Variants in KLHL26 observed in about 807,000 individuals in gnomAD.
The protein encoded by KLHL26 is kelch like family member 26.
A neutral mutation model predicts 7.1 loss-of-function variants in KLHL26; 4 were observed. That is an observed-to-expected ratio of 0.56 (90% CI 0.28 to 1.28). The LOEUF (loss-of-function observed/expected upper bound fraction) is 1.28, where lower values mean the gene tolerates loss of function less well. Among genes scored for constraint, KLHL26 ranks in the 50% most tolerant of loss-of-function variants. The pLI, the probability that KLHL26 is intolerant of heterozygous loss-of-function variation, is 0.11. For synonymous variants in KLHL26, 465 were observed against 414.1 expected (o/e 1.12, Z -1.49); for missense variants, 896 against 924.6 (o/e 0.97, Z 0.40).
chr19:18,639,899 T>C (rs903517670), intron 1 of KLHL26, among the ~76,000 whole-genome samples: 1 of 152,064 alleles, frequency 6.6e-6, no homozygotes, highest in African/African-American at 2.4e-5. Flanking sequence ...TTCTAGAAAT[T>C]TCGTAAGAAT....
intron 1 of KLHL26, among the ~76,000 whole-genome samples, chr19:18,652,282 G>A (rs1443031356): frequency 1.3e-5 from 2 of 152,124 alleles, no homozygotes; most frequent in African/African-American, 4.8e-5. Context: ...CAAGCAGTGA[G>A]CTAAGATAAG....
At chr19:18,642,586 A>G (rs1378489266) in intron 1 of KLHL26, among the ~76,000 whole-genome samples, 1 of 150,948 alleles carries the variant, frequency 6.6e-6, no homozygotes, top group Admixed American at 6.6e-5. Flanking sequence ...CTGGTCTGGA[A>G]CTCCTGACCT....
chr19:18,639,665 C>G (rs956388003), intron 1 of KLHL26, among the ~76,000 whole-genome samples: 1 of 152,012 alleles, frequency 6.6e-6, no homozygotes, highest in Non-Finnish European at 1.5e-5. Flanking sequence ...CCGCTTCAGC[C>G]TCCCAAAGTG....
chr19:18,649,197 A>C lies in KLHL26; in HGVS notation c.83+12060A>C, dbSNP rs1292854503. Among the ~76,000 whole-genome samples, 1 of 152,096 alleles carries C rather than the reference A, an allele frequency of 6.6e-6. No individual in the cohort carries two copies. Among genetic ancestry groups the C allele is most frequent in the Non-Finnish European group, 1.5e-5 (1 of 68,010 alleles). ...TGGTACATTCTCTGCTTGAGGACCCATGTCCCTGTAGAATGTACGTTCCCC... is the reference window on the plus strand; with the variant it reads ...TGGTACATTCTCTGCTTGAGGACCCCTGTCCCTGTAGAATGTACGTTCCCC... On this transcript the variant is annotated intron_variant, in intron 1 of 2. Transcript: ENST00000300976. This position sits in a 1 kb window ranked among gnomAD's most constrained non-coding sequence, Gnocchi z 4.0.
chr19:18,669,376 T>G lies in KLHL26; in HGVS notation c.*131T>G. On this transcript the variant is annotated 3_prime_UTR_variant, in exon 3 of 3. Transcript: ENST00000300976. ...GCCCTTGAGGGGCCTGCTGCGTTGA[T>G]AAGCCCCCCTCCCAGGGGTCCCTCC... 1 of 673,042 alleles carries G rather than the reference T, an allele frequency of 1.5e-6. No homozygotes were observed. Among genetic ancestry groups the G allele is most frequent in the Admixed American group, 2.8e-5 (1 of 36,142 alleles). The allele number at this position is 673,042 out of a possible 1,614,324, so 41.7% of individuals were successfully genotyped here.
chr19:18,637,268 CT>C (rs1976636151), intron 1 of KLHL26, 131 bp downstream of exon 1: 2 of 1,004,532 alleles, frequency 2.0e-6, no homozygotes, highest in Non-Finnish European at 2.6e-6. Flanking sequence ...AGAATTTGGA[CT>C]TTACGGGGCC....
chr19:18,650,904 G>T lies in KLHL26; in HGVS notation c.84-13357G>T, dbSNP rs553711512. The stretch of plus-strand genomic sequence containing the variant: ...CGGGGCTTCCTGACCCCTCAGCCCC[G>T]GTAGGAAGCTGGTGTGCACTGCAGG... On this transcript the variant is annotated intron_variant, in intron 1 of 2. Coordinates refer to ENST00000300976, the MANE Select transcript of KLHL26 (RefSeq NM_018316.3). This position sits in a 1 kb window ranked among gnomAD's most constrained non-coding sequence, Gnocchi z 4.2. Among the ~76,000 whole-genome samples, 2 of 152,234 alleles carry T rather than the reference G, an allele frequency of 1.3e-5. No homozygotes were observed. Among genetic ancestry groups the T allele is most frequent in the African/African-American group, 4.8e-5 (2 of 41,558 alleles).
intron 1 of KLHL26, among the ~76,000 whole-genome samples, chr19:18,657,816 G>A (rs2052349556): frequency 6.6e-6 from 1 of 152,230 alleles, no homozygotes; most frequent in Non-Finnish European, 1.5e-5. Flanking sequence ...GGCAGTCTGG[G>A]GGAGAAGCAG....
In KLHL26 at chr19:18,668,347, C is replaced by G; in HGVS notation, c.950C>G (p.Thr317Arg). ...CCCTCGCTCGTCACCTTCGGCGGCACGCCCTACACCGACAGCGACCGCTCG... is the reference window on the plus strand; with the variant it reads ...CCCTCGCTCGTCACCTTCGGCGGCAGGCCCTACACCGACAGCGACCGCTCG... ...DVPSLVTFGG[T>R]PYTDSDRSVS... The change falls in exon 3 of 3, where the codon ACG becomes AGG. Residue 317 changes from threonine to arginine, a missense_variant. Thr to Arg is a moderately conservative substitution (Grantham distance 71). Transcript: ENST00000300976. The G allele has an allele frequency of 6.2e-7, 1 of 1,607,670 alleles. No individual in the cohort carries two copies. Among genetic ancestry groups the G allele is most frequent in the Non-Finnish European group, 8.5e-7 (1 of 1,178,594 alleles).
At chr19:18,639,700 G>A (rs1976680149) in intron 1 of KLHL26, among the ~76,000 whole-genome samples, 1 of 151,846 alleles carries the variant, frequency 6.6e-6, no homozygotes, top group African/African-American at 2.4e-5. Flanking sequence ...GTGAACCACT[G>A]TGCTCAACCC....
rs1976871644 is a variant in KLHL26, at chr19:18,649,822, C to T, written c.83+12685C>T. Among the ~76,000 whole-genome samples, 1 of 152,196 alleles carries T rather than the reference C, an allele frequency of 6.6e-6. No homozygotes were observed. On this transcript the variant is annotated intron_variant, in intron 1 of 2. Transcript: ENST00000300976. This position sits in a 1 kb window ranked among gnomAD's most constrained non-coding sequence, Gnocchi z 4.0. The stretch of plus-strand genomic sequence containing the variant: ...GCCGCACAGAATTCACAGGACTCGT[C>T]TCCAACGGCTGCGCCAGCAATTCCC...
intron 1 of KLHL26, among the ~76,000 whole-genome samples, chr19:18,663,192 C>T (rs770855175): frequency 6.6e-6 from 1 of 152,228 alleles, no homozygotes; most frequent in Non-Finnish European, 1.5e-5. Flanking sequence ...TGCAGTGCCT[C>T]GCAGGCAGGG....
In KLHL26 at chr19:18,650,299, C is replaced by G. The variant is rs372570396; in HGVS notation, c.83+13162C>G. On this transcript the variant is annotated intron_variant, in intron 1 of 2. Coordinates refer to ENST00000300976, the MANE Select transcript of KLHL26 (RefSeq NM_018316.3). The surrounding 1 kb of genome is among the most constrained non-coding windows in gnomAD (Gnocchi z 4.2). ...CAGAGAGGCATGTGATCACCCAGATCGTCTGAGAGCGGGACATTTTCCCGG... is the reference window on the plus strand; with the variant it reads ...CAGAGAGGCATGTGATCACCCAGATGGTCTGAGAGCGGGACATTTTCCCGG... Among the ~76,000 whole-genome samples, 2 of 152,156 alleles carry G rather than the reference C, an allele frequency of 1.3e-5. No homozygotes were observed. Among genetic ancestry groups the G allele is most frequent in the South Asian group, 2.1e-4 (1 of 4,830 alleles).
chr19:18,643,320 C>G (rs914231459), intron 1 of KLHL26, among the ~76,000 whole-genome samples: 6 of 151,322 alleles, frequency 4.0e-5, no homozygotes, highest in African/African-American at 1.4e-4. Context: ...TGGCACGTGC[C>G]TGTAATCCCA....
intron 1 of KLHL26, among the ~76,000 whole-genome samples, chr19:18,642,683 G>T (rs1268239795): frequency 6.6e-6 from 1 of 151,266 alleles, no homozygotes; most frequent in Non-Finnish European, 1.5e-5. Flanking sequence ...TTGTTTGTTT[G>T]TTTGGTTTGG....
intron 1 of KLHL26, among the ~76,000 whole-genome samples, chr19:18,643,509 G>A (rs1176163469): frequency 6.6e-6 from 1 of 151,488 alleles, no homozygotes; most frequent in Non-Finnish European, 1.5e-5. Flanking sequence ...ATAGAGTTTT[G>A]CTCTTGTTGT....
chr19:18,668,007 C>T lies in KLHL26; in HGVS notation c.610C>T (p.Leu204=). 3 of 1,608,890 alleles carry T rather than the reference C, an allele frequency of 1.9e-6. No homozygotes were observed. The highest frequency in any genetic ancestry group is 2.5e-6 in the Non-Finnish European group (3 of 1,179,970). ...CGCCGAGGAGGAGGATTTCCTGCGC[C>T]TGCCACTGGAGCGCCTGGTCTTCTT... ...QIAEEEDFLR[L]PLERLVFFLQ... is the part of the protein sequence containing the mutation. Residue 204 remains leucine (L), a synonymous_variant, in exon 3 of 3, where the codon CTG becomes TTG. Coordinates refer to ENST00000300976, the MANE Select transcript of KLHL26 (RefSeq NM_018316.3).
At chr19:18,661,430 C>T (rs576560191) in intron 1 of KLHL26, among the ~76,000 whole-genome samples, 2 of 152,292 alleles carry the variant, frequency 1.3e-5, no homozygotes, top group Non-Finnish European at 2.9e-5. Flanking sequence ...TCTCAGTTCT[C>T]CAGATATGTT....
intron 2 of KLHL26, 86 bp from the exon 3 acceptor site, chr19:18,667,578 C>A: frequency 6.5e-7 from 1 of 1,531,358 alleles, no homozygotes; most frequent in Non-Finnish European, 8.8e-7. Flanking sequence ...TGTCCCCAGG[C>A]TACTGTTCCC....
Sources: gnomAD v4.1 joint callset for allele counts (sites outside exome capture counted in the v4.1 genomes callset) on GRCh38, gnomAD v4.1.1 for gene constraint, Gnocchi (gnomAD v3.1) non-coding constraint, MANE v1.5 for transcripts, NCBI Gene and HGNC (gene_info 2026-07-23, HGNC 2026-07-21) for gene names.